ICA1L: variants seen among roughly 807,000 people sequenced by gnomAD.
ICA1L encodes islet cell autoantigen 1 like.
ICA1L carries 50 observed loss-of-function variants against 61.3 expected under a neutral mutation model. The ratio of observed to expected loss-of-function variants is 0.82; its 90% CI spans 0.65 to 1.03. The LOEUF is 1.03. Among genes scored for constraint, ICA1L ranks in the 50% least tolerant of loss-of-function variants. The pLI is 0.00. For missense variants in ICA1L, 508 were observed against 556.7 expected (o/e 0.91, Z 0.88); for synonymous variants, 161 against 191.3 (o/e 0.84, Z 1.31).
At chr2:202,837,883 C>A (rs1465651723) in intron 1 of ICA1L, among the ~76,000 whole-genome samples, 2 of 152,010 alleles carry the variant, frequency 1.3e-5, no homozygotes, top group Non-Finnish European at 2.9e-5. Context: ...GATGGAGTTT[C>A]ACTCTTGTTG....
At chr2:202,863,615 G>T (rs1162223721) in intron 1 of ICA1L, among the ~76,000 whole-genome samples, 1 of 152,104 alleles carries the variant, frequency 6.6e-6, no homozygotes. Flanking sequence ...ACGAGGTCAG[G>T]AGATTGAGAC....
intron 1 of ICA1L, among the ~76,000 whole-genome samples, chr2:202,863,129 T>C (rs879486901): frequency 1.3e-5 from 2 of 151,634 alleles, no homozygotes; most frequent in Non-Finnish European, 2.9e-5. Context: ...CCACCTCTAC[T>C]AAAAATACAA....
intron 1 of ICA1L, among the ~76,000 whole-genome samples, chr2:202,857,864 A>G (rs575836309): frequency 6.6e-6 from 1 of 152,230 alleles, no homozygotes; most frequent in African/African-American, 2.4e-5. Context: ...AAACATACGG[A>G]AAAAAAACTC....
chr2:202,841,860 AT>A (rs138379846), intron 1 of ICA1L: 41,176 of 216,920 alleles, frequency 0.19, 817 homozygotes, highest in South Asian at 0.24. Context: ...TTCTTGGTCT[AT>A]TTTTTTTTTT....
intron 8 of ICA1L, among the ~76,000 whole-genome samples, chr2:202,814,411 C>T (rs1345759570): frequency 6.6e-6 from 1 of 152,222 alleles, no homozygotes; most frequent in African/African-American, 2.4e-5. Context: ...TTGACCTTTT[C>T]TGCCATGTTA....
chr2:202,786,688 T>A (rs1410111496), intron 11 of ICA1L: 1 of 454,046 alleles, frequency 2.2e-6, no homozygotes, highest in Admixed American at 2.4e-5. Context: ...TTGGACTCAG[T>A]GATCCCATTC....
intron 9 of ICA1L, among the ~76,000 whole-genome samples, chr2:202,800,791 G>C (rs1381499232): frequency 6.6e-6 from 1 of 151,890 alleles, no homozygotes; most frequent in Non-Finnish European, 1.5e-5. Context: ...TACTATAAAA[G>C]AATATGGGAA....
chr2:202,870,131 CA>C, intron 1 of ICA1L, among the ~76,000 whole-genome samples: 1 of 152,184 alleles, frequency 6.6e-6, no homozygotes, highest in East Asian at 1.9e-4. Flanking sequence ...TAGAATCACA[CA>C]ATGAAATCAC....
At chr2:202,816,304 C>T (rs1693532745) in intron 6 of ICA1L, among the ~76,000 whole-genome samples, 1 of 152,120 alleles carries the variant, frequency 6.6e-6, no homozygotes, top group African/African-American at 2.4e-5. Context: ...GGGATCAGAA[C>T]ATCTGAGATA....
chr2:202,801,396 C>T (rs151151574), intron 9 of ICA1L, among the ~76,000 whole-genome samples: 1 of 152,268 alleles, frequency 6.6e-6, no homozygotes, highest in East Asian at 1.9e-4. Flanking sequence ...TGAGAAAGGT[C>T]TAGCTCAAAG....
intron 12 of ICA1L, among the ~76,000 whole-genome samples, chr2:202,782,760 T>C (rs1042957792): frequency 6.6e-6 from 1 of 152,108 alleles, no homozygotes; most frequent in Non-Finnish European, 1.5e-5. Flanking sequence ...AAGTTTTTTT[T>C]TTCCCCCTAA....
In ICA1L at chr2:202,778,294, TTGAG is replaced by T. The variant is rs968106524; in HGVS notation, c.*1235_*1238del. The T allele has an allele frequency of 3.3e-5, 5 of 152,116 alleles. No individual in the cohort carries two copies. Among genetic ancestry groups the T allele is most frequent in the African/African-American group, 4.8e-5 (2 of 41,424 alleles). The allele number at this position is 152,116 out of a possible 1,614,324, so 9.4% of individuals were successfully genotyped here. A position where few individuals can be genotyped will look rare whatever the true frequency, so the allele number is the denominator to read the frequency against. On this transcript the variant is annotated 3_prime_UTR_variant, in exon 13 of 13. Coordinates refer to ENST00000358299, the MANE Select transcript of ICA1L (RefSeq NM_001288622.3). The stretch of plus-strand genomic sequence containing the variant: ...GTGGGCAATTTAAAAGGACAGGAAA[TTGAG>T]TGATTGATGTGTGTGTACGGTAGCT...
In ICA1L at chr2:202,862,272, C is replaced by CAAAAAAAAAA. The variant is rs778355110; in HGVS notation, c.-8+9337_-8+9346dup. Among the ~76,000 whole-genome samples the CAAAAAAAAAA allele has an allele frequency of 9.5e-5, 6 of 62,964 alleles. 1 individual carries two copies. The highest frequency in any genetic ancestry group is 3.3e-4 in the African/African-American group (4 of 12,062). 41.3% of individuals were successfully genotyped at this position (62,964 alleles called of 152,430 possible). ...GCAACACAGTAAGACCTCATTTCTA[C>CAAAAAAAAAA]AAAAAAAAAAAAAAAAAAAAAAAAA... On this transcript the variant is annotated intron_variant, in intron 1 of 12. Transcript: ENST00000358299.
intron 10 of ICA1L, among the ~76,000 whole-genome samples, chr2:202,796,636 G>A (rs1692935216): frequency 6.6e-6 from 1 of 152,130 alleles, no homozygotes. Context: ...TGTACTGCTG[G>A]TGGTTGAGAT....
At chr2:202,819,267 A>G (rs79633844) in intron 5 of ICA1L, among the ~76,000 whole-genome samples, 13,949 of 152,320 alleles carry the variant, frequency 0.092, 767 homozygotes, top group Non-Finnish European at 0.12. Context: ...ATACATAGTT[A>G]CTTAGGAAGT....
chr2:202,814,044 T>G (rs1403069974), intron 8 of ICA1L, among the ~76,000 whole-genome samples: 1 of 152,150 alleles, frequency 6.6e-6, no homozygotes. Flanking sequence ...GTCCTTTGCC[T>G]GCTATGTTAA....
At chr2:202,782,899 G>A (rs527473410) in intron 12 of ICA1L, among the ~76,000 whole-genome samples, 32 of 152,166 alleles carry the variant, frequency 2.1e-4, no homozygotes, top group African/African-American at 7.5e-4. Context: ...GTTTTAGCTG[G>A]TTTTTAAAAA....
chr2:202,856,075 GA>G (rs35022962), intron 1 of ICA1L, among the ~76,000 whole-genome samples: 98 of 127,476 alleles, frequency 7.7e-4, no homozygotes, highest in East Asian at 3.9e-3. Context: ...TCCGTCTCAA[GA>G]AAAAAAAAAA....
At chr2:202,829,070 T>G in intron 1 of ICA1L, 54 bp from the exon 2 acceptor site, 1 of 1,429,406 alleles carries the variant, frequency 7.0e-7, no homozygotes, top group South Asian at 1.4e-5. Context: ...AATAATAGGC[T>G]GGGCACGGTG....
Sources: allele counts gnomAD v4.1 joint callset (sites outside exome capture counted in the v4.1 genomes callset), GRCh38; gene constraint gnomAD v4.1.1; transcripts MANE v1.5; gene names NCBI Gene and HGNC (gene_info 2026-07-23, HGNC 2026-07-21).